C10orf90: variants seen among roughly 807,000 people sequenced by gnomAD.
The protein encoded by C10orf90 is (E2-independent) E3 ubiquitin-conjugating enzyme FATS.
In C10orf90, 56 loss-of-function variants were observed where a neutral mutation model predicts 62.5. The observed-to-expected ratio is 0.90, with a 90% CI of 0.72 to 1.12. The LOEUF (loss-of-function observed/expected upper bound fraction) is 1.12, where lower values mean the gene tolerates loss of function less well. Among genes scored for constraint, C10orf90 ranks in the 50% most tolerant of loss-of-function variants. The probability of loss-of-function intolerance (pLI) is 0.00; values close to 1 mark genes in which losing one functional copy is unlikely to be tolerated. For missense variants in C10orf90, 970 were observed against 880.4 expected, an observed-to-expected ratio of 1.10 and a Z score of -1.29; for synonymous variants, 386 against 340.4, an observed-to-expected ratio of 1.13 and a Z score of -1.47.
At chr10:126,479,809 T>C (rs1861077619) in intron 4 of C10orf90, among the ~76,000 whole-genome samples, 1 of 152,192 alleles carries the variant, frequency 6.6e-6, no homozygotes, top group Non-Finnish European at 1.5e-5. Flanking sequence ...TTTAAGAACA[T>C]AAACAAAAAG....
intron 2 of C10orf90, among the ~76,000 whole-genome samples, chr10:126,546,247 C>G (rs538601454): frequency 7.2e-5 from 11 of 152,338 alleles, no homozygotes; most frequent in African/African-American, 2.4e-4. Context: ...TGCCCACATG[C>G]CAGCAAAGGC....
chr10:126,507,516 G>C (rs1401285286), intron 3 of C10orf90, among the ~76,000 whole-genome samples: 2 of 132,222 alleles, frequency 1.5e-5, no homozygotes, highest in African/African-American at 5.7e-5. Context: ...AAAAAAAAAA[G>C]GTCAATGCAG....
chr10:126,494,585 C>T (rs932794715), intron 4 of C10orf90, among the ~76,000 whole-genome samples: 1 of 152,212 alleles, frequency 6.6e-6, no homozygotes, highest in Admixed American at 6.5e-5. Flanking sequence ...TCAGTGCAGG[C>T]TCTGCACCAC....
intron 7 of C10orf90, among the ~76,000 whole-genome samples, chr10:126,440,066 G>A (rs1222668439): frequency 1.3e-5 from 2 of 152,240 alleles, no homozygotes; most frequent in East Asian, 3.8e-4. Flanking sequence ...CAGGAATTCA[G>A]GGGAGGGCAT....
intron 4 of C10orf90, among the ~76,000 whole-genome samples, chr10:126,493,092 T>G (rs1861847926): frequency 6.6e-6 from 1 of 151,818 alleles, no homozygotes. Flanking sequence ...TACTGGAACT[T>G]CAAAATCCAT....
At chr10:126,579,097 T>C (rs1844689374) in intron 2 of C10orf90, among the ~76,000 whole-genome samples, 1 of 151,786 alleles carries the variant, frequency 6.6e-6, no homozygotes, top group African/African-American at 2.4e-5. Context: ...TCAGCTCTGC[T>C]CTTATGGGTA....
In C10orf90 at chr10:126,593,675, A is replaced by G. The variant is rs1173140790; in HGVS notation, c.313+52890T>C. Among the ~76,000 whole-genome samples, 10 of 152,218 alleles carry G rather than the reference A, an allele frequency of 6.6e-5. No individual in the cohort carries two copies. In the East Asian group the frequency reaches 1.9e-3, roughly 29 times the overall value. ...GTTTATCTACGTAACAAACCTGCAC[A>G]TGTGCCCCAGAACTCAAAGTTGCAG... On this transcript the variant is annotated intron_variant, in intron 2 of 9. Transcript: ENST00000488181.
Position 126,649,061 on chromosome 10 carries a change from TCTCTCTCTCTCCC to T in C10orf90, c.241-2437_241-2425del, listed in dbSNP as rs1846233811. ...CTCTCTCTCTCTCTCTCTCTCTCTC[TCTCTCTCTCTCCC>T]CCCCCCCCAGCAATTCACAATGGAT... On this transcript the variant is annotated intron_variant, in intron 1 of 9. Transcript: ENST00000488181. 3.9e-4 allele frequency among the ~76,000 whole-genome samples: 12 copies of T among 30,440 alleles called. 2 individuals carry two copies. The highest frequency in any genetic ancestry group is 1.5e-3 in the African/African-American group (11 of 7,428). The allele number at this position is 30,440 out of a possible 152,430, so 20.0% of individuals were successfully genotyped here.
intron 7 of C10orf90, among the ~76,000 whole-genome samples, chr10:126,439,602 TA>T (rs1321973422): frequency 3.3e-5 from 5 of 152,064 alleles, no homozygotes; most frequent in Admixed American, 2.0e-4. Flanking sequence ...ATGAGAAGTT[TA>T]ACAGAGAGAT....
In C10orf90 at chr10:126,456,480, A is replaced by AT. The variant is rs1268627753; in HGVS notation, c.2188+2559dup. Among the ~76,000 whole-genome samples the AT allele has an allele frequency of 1.3e-5, 2 of 152,188 alleles. No individual in the cohort carries two copies. The highest frequency in any genetic ancestry group is 2.9e-5 in the Non-Finnish European group (2 of 68,038). ...GCCTGGTTACCTTTTATTACATACA[A>AT]TTTTAAGACTTCCATTTAAAAGAAT... On this transcript the variant is annotated intron_variant, in intron 7 of 9. Coordinates refer to ENST00000488181, the MANE Select transcript of C10orf90 (RefSeq NM_001350921.2). The surrounding 1 kb of genome is among the most constrained non-coding windows in gnomAD (Gnocchi z 4.9).
At chr10:126,599,168 A>T (rs1845143970) in intron 2 of C10orf90, among the ~76,000 whole-genome samples, 1 of 146,148 alleles carries the variant, frequency 6.8e-6, no homozygotes, top group African/African-American at 2.5e-5. Flanking sequence ...GCCAGGCCTC[A>T]TTGGGTTCCA....
At chr10:126,584,055 G>A (rs994830827) in intron 2 of C10orf90, among the ~76,000 whole-genome samples, 1 of 152,102 alleles carries the variant, frequency 6.6e-6, no homozygotes, top group Non-Finnish European at 1.5e-5. Context: ...AGGAAATCAG[G>A]GCTGCAGTGA....
intron 1 of C10orf90, among the ~76,000 whole-genome samples, chr10:126,665,255 AG>A (rs1846603239): frequency 6.6e-6 from 1 of 152,172 alleles, no homozygotes; most frequent in Admixed American, 6.5e-5. Flanking sequence ...CCGGGACTTC[AG>A]GGGGAAAGGT....
At chr10:126,637,382 C>A (rs574454153) in intron 2 of C10orf90, among the ~76,000 whole-genome samples, 1 of 152,352 alleles carries the variant, frequency 6.6e-6, no homozygotes, top group African/African-American at 2.4e-5. Context: ...TACCTCCCAC[C>A]AGCCAGCCCA....
chr10:126,576,908 T>C (rs1199127099), intron 2 of C10orf90, among the ~76,000 whole-genome samples: 1 of 151,220 alleles, frequency 6.6e-6, no homozygotes, highest in Non-Finnish European at 1.5e-5. Flanking sequence ...GAAAGTTAAA[T>C]GCCATATGTT....
intron 2 of C10orf90, among the ~76,000 whole-genome samples, chr10:126,539,281 C>T (rs1185642743): frequency 1.3e-5 from 2 of 152,236 alleles, no homozygotes; most frequent in African/African-American, 2.4e-5. Context: ...TTCTGTTCCA[C>T]AGCAGAGAGA....
Position 126,498,749 on chromosome 10 carries a change from G to C in C10orf90, c.1534+5208C>G, listed in dbSNP as rs114227987. Among the ~76,000 whole-genome samples the C allele has an allele frequency of 8.1e-3, 1,240 of 152,282 alleles. 12 individuals are homozygous for C. Among genetic ancestry groups the C allele is most frequent in the African/African-American group, 0.028 (1,165 of 41,552 alleles). ...CACCCAAGTTCACATATCTTCCTGGGGAATATAAGGGCCCAGGCCCTTATG... is the reference window on the plus strand; with the variant it reads ...CACCCAAGTTCACATATCTTCCTGGCGAATATAAGGGCCCAGGCCCTTATG... On this transcript the variant is annotated intron_variant, in intron 4 of 9. Coordinates refer to ENST00000488181, the MANE Select transcript of C10orf90 (RefSeq NM_001350921.2).
intron 8 of C10orf90, among the ~76,000 whole-genome samples, chr10:126,429,552 T>C (rs2133981292): frequency 6.6e-6 from 1 of 152,330 alleles, no homozygotes; most frequent in Admixed American, 6.5e-5. Flanking sequence ...CTGGATTGGT[T>C]CAGAATCCAA....
intron 2 of C10orf90, among the ~76,000 whole-genome samples, chr10:126,554,163 T>A (rs1057349504): frequency 5.3e-5 from 8 of 152,050 alleles, no homozygotes; most frequent in Non-Finnish European, 8.8e-5. Flanking sequence ...AGTGACATAT[T>A]AACACAATGG....
Sources: allele counts gnomAD v4.1 joint callset (sites outside exome capture counted in the v4.1 genomes callset), GRCh38; gene constraint gnomAD v4.1.1; non-coding constraint Gnocchi (gnomAD v3.1); transcripts MANE v1.5; gene names NCBI Gene and HGNC (gene_info 2026-07-23, HGNC 2026-07-21).